The following NAALADL2 variants were observed in gnomAD, a reference collection of about 807,000 sequenced individuals.
The protein encoded by NAALADL2 is inactive N-acetylated-alpha-linked acidic dipeptidase-like protein 2.
A neutral mutation model predicts 87.2 loss-of-function variants in NAALADL2; 76 were observed. The ratio of observed to expected loss-of-function variants is 0.87; its 90% CI spans 0.72 to 1.05. The LOEUF is 1.05. Among genes scored for constraint, NAALADL2 ranks in the 50% least tolerant of loss-of-function variants. NAALADL2 has a pLI of 0.00. For synonymous variants in NAALADL2, 354 were observed against 331.0 expected, an observed-to-expected ratio of 1.07 and a Z score of -0.75; for missense variants, 1,089 against 945.8, an observed-to-expected ratio of 1.15 and a Z score of -1.99.
At chr3:174,971,667 G>GTGTGTGTA (rs776128721) in intron 1 of NAALADL2, among the ~76,000 whole-genome samples, 1 of 76,892 alleles carries the variant, frequency 1.3e-5, no homozygotes, top group East Asian at 5.8e-4. Context: ...ATGCTAGACT[G>GTGTGTGTA]TGTGTGTGTG....
intron 2 of NAALADL2, among the ~76,000 whole-genome samples, chr3:175,138,385 C>T (rs1050015449): frequency 2.0e-5 from 3 of 152,028 alleles, no homozygotes; most frequent in Admixed American, 6.6e-5. Context: ...CTGACGTTCA[C>T]GTTTTGGATT....
At chr3:175,287,581 G>A (rs892841121) in intron 4 of NAALADL2, among the ~76,000 whole-genome samples, 2 of 152,164 alleles carry the variant, frequency 1.3e-5, no homozygotes, top group Non-Finnish European at 2.9e-5. Flanking sequence ...TTGAATTCAA[G>A]CCCATGCTGT....
chr3:175,515,930 C>T (rs77369868), intron 9 of NAALADL2, among the ~76,000 whole-genome samples: 5 of 152,134 alleles, frequency 3.3e-5, no homozygotes, highest in Admixed American at 2.0e-4. Flanking sequence ...GGGGAAAATG[C>T]GGCTCTAATG....
At chr3:174,850,774 T>A (rs903336576) in intron 3 of NAALADL2, among the ~76,000 whole-genome samples, 1 of 152,064 alleles carries the variant, frequency 6.6e-6, no homozygotes, top group African/African-American at 2.4e-5. Context: ...TAATAGACAT[T>A]TACAGAATAT....
intron 11 of NAALADL2, among the ~76,000 whole-genome samples, chr3:175,716,455 G>A (rs1365713440): frequency 3.3e-5 from 5 of 151,462 alleles, no homozygotes; most frequent in African/African-American, 7.3e-5. Context: ...GGGGGAAGTC[G>A]AGAGAAATTC....
intron 3 of NAALADL2, among the ~76,000 whole-genome samples, chr3:175,255,566 A>G (rs757421846): frequency 5.9e-5 from 9 of 152,208 alleles, no homozygotes; most frequent in Non-Finnish European, 4.4e-5. Context: ...TATTGTTTTA[A>G]TAATAAATAG....
chr3:174,970,396 G>A (rs1579787649), intron 1 of NAALADL2, among the ~76,000 whole-genome samples: 1 of 152,102 alleles, frequency 6.6e-6, no homozygotes, highest in Non-Finnish European at 1.5e-5. Context: ...ACAGACTAAA[G>A]ACCTGGATTA....
chr3:174,965,495 G>C (rs1190486121), intron 1 of NAALADL2, among the ~76,000 whole-genome samples: 2 of 152,140 alleles, frequency 1.3e-5, no homozygotes, highest in Admixed American at 6.6e-5. Context: ...CAGTGGTGAA[G>C]TGTAAAGATT....
rs74922811 is a variant in NAALADL2 at position 174,980,170 on chromosome 3, G to A, written c.44-116620G>A. On this transcript the variant is annotated intron_variant, in intron 1 of 13. Coordinates refer to ENST00000454872, the MANE Select transcript of NAALADL2 (RefSeq NM_207015.3). ...ATGTCCTTTGCATAGCACATATTAC[G>A]CCATGTTATAATTCCTATTTAATTA... Among the ~76,000 whole-genome samples, 14 of 152,206 alleles carry A rather than the reference G, an allele frequency of 9.2e-5. No individual in the cohort carries two copies. In the East Asian group the frequency reaches 2.5e-3, roughly 27 times the overall value.
intron 11 of NAALADL2, among the ~76,000 whole-genome samples, chr3:175,668,748 A>T (rs1733545664): frequency 6.6e-6 from 1 of 152,108 alleles, no homozygotes; most frequent in Non-Finnish European, 1.5e-5. Context: ...TTTCCCTTTG[A>T]CAAAACTACC....
At chr3:175,713,369 A>G (rs1424209216) in intron 11 of NAALADL2, among the ~76,000 whole-genome samples, 1 of 152,184 alleles carries the variant, frequency 6.6e-6, no homozygotes, top group Non-Finnish European at 1.5e-5. Flanking sequence ...AGGAAAAAGA[A>G]TAAAATATTC....
At chr3:174,778,392 G>T (rs1333444597) in intron 3 of NAALADL2, among the ~76,000 whole-genome samples, 1 of 152,004 alleles carries the variant, frequency 6.6e-6, no homozygotes, top group African/African-American at 2.4e-5. Context: ...GTACAAAATT[G>T]TTCAACTTTG....
At chr3:174,817,411 G>A (rs1466059700) in intron 3 of NAALADL2, among the ~76,000 whole-genome samples, 2 of 152,050 alleles carry the variant, frequency 1.3e-5, no homozygotes, top group African/African-American at 4.8e-5. Flanking sequence ...AGACCACCCT[G>A]GGCAACAGAG....
Position 175,805,013 on chromosome 3 carries a change from T to C in NAALADL2, c.*1810T>C, listed in dbSNP as rs537303252. On this transcript the variant is annotated 3_prime_UTR_variant, in exon 14 of 14. Coordinates refer to ENST00000454872, the MANE Select transcript of NAALADL2 (RefSeq NM_207015.3). ...GGAAAGGTCTAGAAATAAATAGGCT[T>C]GTGCATACCTAGGCATTCATGCTCT... The C allele has an allele frequency of 6.6e-6, 1 of 152,044 alleles. No individual in the cohort carries two copies. Among genetic ancestry groups the C allele is most frequent in the East Asian group, 1.9e-4 (1 of 5,174 alleles). The allele number at this position is 152,044 out of a possible 1,614,324, so 9.4% of individuals were successfully genotyped here.
At chr3:174,704,676 C>T (rs769520107) in intron 2 of NAALADL2, among the ~76,000 whole-genome samples, 4 of 150,350 alleles carry the variant, frequency 2.7e-5, no homozygotes, top group Admixed American at 6.6e-5. Context: ...AGATACATAC[C>T]ATGTGATGGA....
At chr3:174,906,788 A>C (rs1294258326) in intron 1 of NAALADL2, among the ~76,000 whole-genome samples, 6 of 152,126 alleles carry the variant, frequency 3.9e-5, no homozygotes, top group African/African-American at 1.4e-4. Flanking sequence ...AACTTGTTTG[A>C]TGTTTTAAGT....
intron 2 of NAALADL2, among the ~76,000 whole-genome samples, chr3:175,142,974 A>G (rs1179336261): frequency 6.6e-6 from 1 of 151,946 alleles, no homozygotes; most frequent in African/African-American, 2.4e-5. Flanking sequence ...TAAAATATAT[A>G]TTTAAATTGG....
At chr3:175,323,876 G>GGTGT (rs1033120677) in intron 4 of NAALADL2, among the ~76,000 whole-genome samples, 5 of 151,192 alleles carry the variant, frequency 3.3e-5, no homozygotes, top group Non-Finnish European at 7.4e-5. Context: ...AAATTAGCCG[G>GGTGT]GTGTGGTGGC....
chr3:175,342,303 C>A (rs577884297), intron 5 of NAALADL2, among the ~76,000 whole-genome samples: 57 of 152,136 alleles, frequency 3.7e-4, no homozygotes, highest in Non-Finnish European at 6.6e-4. Context: ...GGAGCAGGTA[C>A]TTTGTGATTA....
Sources: allele counts gnomAD v4.1 joint callset (sites outside exome capture counted in the v4.1 genomes callset), GRCh38; gene constraint gnomAD v4.1.1; transcripts MANE v1.5; gene names NCBI Gene and HGNC (gene_info 2026-07-23, HGNC 2026-07-21).